The following ZFAND3 variants were observed in gnomAD, a reference collection of about 807,000 sequenced individuals.
ZFAND3 encodes zinc finger AN1-type containing 3, also known as AN1-type zinc finger protein 3.
In ZFAND3, 10 loss-of-function variants were observed where a neutral mutation model predicts 29.6. The ratio of observed to expected loss-of-function variants is 0.34; its 90% confidence interval spans 0.21 to 0.57. The LOEUF (loss-of-function observed/expected upper bound fraction) is 0.57. Among genes scored for constraint, ZFAND3 ranks in the 20% least tolerant of loss-of-function variants. ZFAND3 has a pLI of 0.86. For missense variants in ZFAND3, 230 were observed against 304.5 expected (o/e 0.76, Z 1.82); for synonymous variants, 128 against 112.6 (o/e 1.14, Z -0.87).
At chr6:37,947,424 A>C (rs1326720617) in intron 2 of ZFAND3, among the ~76,000 whole-genome samples, 3 of 152,166 alleles carry the variant, frequency 2.0e-5, no homozygotes, top group Non-Finnish European at 4.4e-5. Flanking sequence ...CTTTACCTGA[A>C]ATATTAGTTT....
At chr6:37,886,280 A>AAC (rs1561922411) in intron 1 of ZFAND3, among the ~76,000 whole-genome samples, 6 of 128,866 alleles carry the variant, frequency 4.7e-5, no homozygotes, top group African/African-American at 1.8e-4. Flanking sequence ...AAAAAAAAAA[A>AAC]AGTTCAAAGA....
chr6:37,869,893 T>C (rs1256341567), intron 1 of ZFAND3, among the ~76,000 whole-genome samples: 1 of 152,046 alleles, frequency 6.6e-6, no homozygotes, highest in African/African-American at 2.4e-5. Context: ...TGCCCTGATG[T>C]TTGCTTTTAT....
chr6:38,018,949 T>C (rs757353907), intron 2 of ZFAND3, among the ~76,000 whole-genome samples: 1 of 152,154 alleles, frequency 6.6e-6, no homozygotes, highest in Non-Finnish European at 1.5e-5. Context: ...AGAAACTTTT[T>C]ATTTTTGCCA....
chr6:38,000,439 C>A lies in ZFAND3; in HGVS notation c.113-61154C>A, dbSNP rs192324579. On this transcript the variant is annotated intron_variant, in intron 2 of 5. Transcript: ENST00000287218. ...TTATAAAGGAAAGAGGTTTAATGGA[C>A]TCACATTTTGGCATGGCTGGGGAGG... 3.6e-3 allele frequency among the ~76,000 whole-genome samples: 553 copies of A among 152,244 alleles called. 3 individuals carry two copies. The highest frequency in any genetic ancestry group is 0.014 in the Middle Eastern group (4 of 294).
At chr6:38,049,523 G>A (rs1208931731) in intron 2 of ZFAND3, among the ~76,000 whole-genome samples, 1 of 152,236 alleles carries the variant, frequency 6.6e-6, no homozygotes, top group Non-Finnish European at 1.5e-5. Flanking sequence ...TACTGGGACA[G>A]AGGATATGTA....
chr6:38,000,218 A>G lies in ZFAND3; in HGVS notation c.113-61375A>G, dbSNP rs145524104. On this transcript the variant is annotated intron_variant, in intron 2 of 5. Transcript: ENST00000287218. ...GAGATGATGTTGATCTCAGATTGAT[A>G]TTGATCATTTGCGAGACCCATAGCA... Among the ~76,000 whole-genome samples the G allele has an allele frequency of 7.9e-5, 12 of 152,280 alleles. No individual in the cohort carries two copies. In the East Asian group the frequency reaches 2.3e-3, roughly 29 times the overall value.
intron 2 of ZFAND3, among the ~76,000 whole-genome samples, chr6:38,002,285 C>CT (rs559479814): frequency 0.38 from 52,255 of 137,834 alleles, 10,044 homozygotes; most frequent in South Asian, 0.53. Flanking sequence ...ATTTTCTTTT[C>CT]TTTTTTTTTT....
chr6:38,105,929 A>G (rs1765198735), intron 4 of ZFAND3, among the ~76,000 whole-genome samples: 2 of 152,158 alleles, frequency 1.3e-5, no homozygotes, highest in South Asian at 4.1e-4. Context: ...TGAGCTGACC[A>G]TTGACATTTT....
intron 1 of ZFAND3, among the ~76,000 whole-genome samples, chr6:37,897,693 T>G (rs1765244598): frequency 6.6e-6 from 1 of 152,214 alleles, no homozygotes; most frequent in African/African-American, 2.4e-5. Context: ...GTTATATTGG[T>G]GTGGCATTTT....
chr6:37,893,835 T>TGAGCCACC, intron 1 of ZFAND3, among the ~76,000 whole-genome samples: 1 of 149,810 alleles, frequency 6.7e-6, no homozygotes, highest in South Asian at 2.1e-4. Context: ...ATTACAGGGG[T>TGAGCCACC]GAGCCACCGC....
chr6:37,870,775 C>A (rs986980769), intron 1 of ZFAND3, among the ~76,000 whole-genome samples: 1 of 152,244 alleles, frequency 6.6e-6, no homozygotes, highest in African/African-American at 2.4e-5. Flanking sequence ...CCTCAAACCC[C>A]TGGGCTTCAG....
At chr6:38,016,082 C>G (rs1453687086) in intron 2 of ZFAND3, among the ~76,000 whole-genome samples, 1 of 149,914 alleles carries the variant, frequency 6.7e-6, no homozygotes, top group Non-Finnish European at 1.5e-5. Flanking sequence ...GCAGATGAGA[C>G]CTAAGACAGT....
At chr6:37,922,854 G>T (rs1761408464) in intron 1 of ZFAND3, among the ~76,000 whole-genome samples, 1 of 152,220 alleles carries the variant, frequency 6.6e-6, no homozygotes. Flanking sequence ...GGGTGAGTCA[G>T]TGAATGAGTA....
chr6:37,933,625 G>A (rs1301432713), intron 2 of ZFAND3, among the ~76,000 whole-genome samples: 1 of 152,198 alleles, frequency 6.6e-6, no homozygotes, highest in Non-Finnish European at 1.5e-5. Flanking sequence ...ATGCTTCTGT[G>A]TATTGTTAGA....
rs1766248756 is a variant in ZFAND3 at position 38,152,473 on chromosome 6, T to G, written c.*84T>G. The G allele has an allele frequency of 6.9e-7, 1 of 1,452,892 alleles. No individual in the cohort carries two copies. Among genetic ancestry groups the G allele is most frequent in the Non-Finnish European group, 9.1e-7 (1 of 1,104,184 alleles). The allele number at this position is 1,452,892 out of a possible 1,614,324, so 90.0% of individuals were successfully genotyped here. A position where few individuals can be genotyped will look rare whatever the true frequency, so the allele number is the denominator to read the frequency against. ...AGGACAAAGTCAGCCAGACACCTTG[T>G]ACTGGGCACGCGTCAGACTGCAGCC... is the stretch of plus-strand genomic sequence containing the variant. On this transcript the variant is annotated 3_prime_UTR_variant, in exon 6 of 6. Transcript: ENST00000287218.
chr6:38,092,576 A>T (rs1203812406), intron 4 of ZFAND3, among the ~76,000 whole-genome samples: 1 of 152,206 alleles, frequency 6.6e-6, no homozygotes, highest in African/African-American at 2.4e-5. Flanking sequence ...ATGGGGAATG[A>T]TGAAGGGATA....
chr6:37,987,995 T>C (rs1762698696), intron 2 of ZFAND3, among the ~76,000 whole-genome samples: 1 of 152,260 alleles, frequency 6.6e-6, no homozygotes, highest in Non-Finnish European at 1.5e-5. Flanking sequence ...ATTACTTGCA[T>C]ATTCTTACTC....
rs186223822 is a variant in ZFAND3, at chr6:38,090,299, C to A, written c.361+7842C>A. Among the ~76,000 whole-genome samples, 169 of 152,316 alleles carry A rather than the reference C, an allele frequency of 1.1e-3. 1 individual carries two copies. The highest frequency in any genetic ancestry group is 3.3e-3 in the Admixed American group (50 of 15,310). On this transcript the variant is annotated intron_variant, in intron 4 of 5. Coordinates refer to ENST00000287218, the MANE Select transcript of ZFAND3 (RefSeq NM_021943.3). The stretch of plus-strand genomic sequence containing the variant: ...AAATTTGACCTACTTATGTAATATG[C>A]AAGTTCCCATCAGGAGAATATTAGG...
At chr6:38,012,645 G>A (rs1376387729) in intron 2 of ZFAND3, among the ~76,000 whole-genome samples, 4 of 152,280 alleles carry the variant, frequency 2.6e-5, no homozygotes, top group Non-Finnish European at 5.9e-5. Context: ...CCAAAGTGCT[G>A]CAATTACAGG....
Sources: allele counts gnomAD v4.1 joint callset (sites outside exome capture counted in the v4.1 genomes callset), GRCh38; gene constraint gnomAD v4.1.1; transcripts MANE v1.5; gene names NCBI Gene and HGNC (gene_info 2026-07-23, HGNC 2026-07-21).